Variants in MTUS2 observed in about 807,000 individuals in gnomAD.
The protein encoded by MTUS2 is microtubule associated scaffold protein 2.
Under a neutral mutation model 114.1 loss-of-function variants are expected in MTUS2, and 40 were observed. That is an observed-to-expected ratio of 0.35 (90% CI 0.27 to 0.46). The LOEUF (loss-of-function observed/expected upper bound fraction) is 0.46. Among genes scored for constraint, MTUS2 ranks in the 20% least tolerant of loss-of-function variants. MTUS2 has a pLI of 1.00. For synonymous variants in MTUS2, 688 were observed against 672.0 expected, an observed-to-expected ratio of 1.02 and a Z score of -0.37; for missense variants, 1,679 against 1,705.4, an observed-to-expected ratio of 0.98 and a Z score of 0.27.
chr13:29,245,358 A>G (rs1896883082), intron 5 of MTUS2, among the ~76,000 whole-genome samples: 1 of 152,202 alleles, frequency 6.6e-6, no homozygotes, highest in South Asian at 2.1e-4. Flanking sequence ...CTGCAGGGAA[A>G]AAGGAATCCT....
chr13:28,885,764 G>C (rs979211436), intron 2 of MTUS2, among the ~76,000 whole-genome samples: 1 of 152,224 alleles, frequency 6.6e-6, no homozygotes, highest in African/African-American at 2.4e-5. Context: ...TATTTATTGA[G>C]TTTTTAATTA....
intron 5 of MTUS2, among the ~76,000 whole-genome samples, chr13:29,280,383 T>C (rs1158331942): frequency 6.6e-6 from 1 of 152,216 alleles, no homozygotes; most frequent in Non-Finnish European, 1.5e-5. Flanking sequence ...ATAGGTCCTG[T>C]TTTAAGAAAT....
At chr13:29,146,827 G>A (rs1892453719) in intron 5 of MTUS2, among the ~76,000 whole-genome samples, 2 of 152,114 alleles carry the variant, frequency 1.3e-5, no homozygotes, top group Admixed American at 6.6e-5. Context: ...ATATGTTGCA[G>A]GATTGTTTTA....
chr13:29,072,536 A>G (rs1220471714), intron 4 of MTUS2, among the ~76,000 whole-genome samples: 2 of 152,206 alleles, frequency 1.3e-5, no homozygotes, highest in Non-Finnish European at 2.9e-5. Context: ...AAGACTTCTT[A>G]TGTCATCATA....
chr13:29,489,160 A>C (rs1031639362), intron 11 of MTUS2, among the ~76,000 whole-genome samples: 1 of 152,086 alleles, frequency 6.6e-6, no homozygotes, highest in Non-Finnish European at 1.5e-5. Context: ...TGGGCTGGCT[A>C]CACGGGAGGT....
intron 6 of MTUS2, among the ~76,000 whole-genome samples, chr13:29,308,803 A>G (rs879727783): frequency 2.6e-5 from 4 of 152,218 alleles, no homozygotes; most frequent in Admixed American, 6.5e-5. Flanking sequence ...AAACCTCAAC[A>G]TCACTGATCA....
chr13:29,059,336 C>T (rs556645345), intron 4 of MTUS2, among the ~76,000 whole-genome samples: 10 of 147,850 alleles, frequency 6.8e-5, no homozygotes, highest in East Asian at 4.2e-4. Flanking sequence ...TTTGCTCCTA[C>T]GTCTTGCAGG....
chr13:28,875,892 T>C (rs1386475068), intron 2 of MTUS2, among the ~76,000 whole-genome samples: 1 of 152,256 alleles, frequency 6.6e-6, no homozygotes, highest in African/African-American at 2.4e-5. Flanking sequence ...ATTTTGTCTA[T>C]TAAAACCCGT....
At chr13:29,456,227 C>T (rs1370303184) in intron 9 of MTUS2, among the ~76,000 whole-genome samples, 1 of 151,960 alleles carries the variant, frequency 6.6e-6, no homozygotes, top group Non-Finnish European at 1.5e-5. Context: ...AATCATTCAC[C>T]GATGGGCTTT....
intron 5 of MTUS2, among the ~76,000 whole-genome samples, chr13:29,212,417 C>T (rs1255075741): frequency 2.0e-5 from 3 of 152,172 alleles, no homozygotes; most frequent in Admixed American, 6.5e-5. Context: ...GGACACCACC[C>T]GAGTGTCCTA....
chr13:29,408,117 A>G (rs1874928479), intron 8 of MTUS2, among the ~76,000 whole-genome samples: 1 of 151,986 alleles, frequency 6.6e-6, no homozygotes. Context: ...ATTTTCTTCC[A>G]GTTTGTGACT....
Position 29,208,966 on chromosome 13 carries a change from A to G in MTUS2, c.2645-72738A>G, listed in dbSNP as rs566021624. Among the ~76,000 whole-genome samples, 11 of 152,104 alleles carry G rather than the reference A, an allele frequency of 7.2e-5. No individual in the cohort carries two copies. In the East Asian group the frequency reaches 9.7e-4, roughly 13 times the overall value. On this transcript the variant is annotated intron_variant, in intron 5 of 15. Coordinates refer to ENST00000612955, the MANE Select transcript of MTUS2 (RefSeq NM_001033602.4). ...TTTTTCTAGGGTATAGTTTAAGTCT[A>G]TTGTTACTTTGTTGACTTTCTGTCT...
intron 9 of MTUS2, among the ~76,000 whole-genome samples, chr13:29,464,540 C>A (rs962085226): frequency 6.6e-6 from 1 of 152,158 alleles, no homozygotes; most frequent in African/African-American, 2.4e-5. Context: ...TTTCACACAC[C>A]AGAGCTGGCA....
At chr13:28,944,860 G>A (rs1303580205) in intron 2 of MTUS2, among the ~76,000 whole-genome samples, 1 of 152,122 alleles carries the variant, frequency 6.6e-6, no homozygotes, top group African/African-American at 2.4e-5. Flanking sequence ...GGGCACAAGT[G>A]CAGTTTTGTT....
At chr13:29,145,042 G>A (rs1161469342) in intron 5 of MTUS2, among the ~76,000 whole-genome samples, 3 of 152,270 alleles carry the variant, frequency 2.0e-5, no homozygotes, top group African/African-American at 2.4e-5. Flanking sequence ...AAGGTTGCTG[G>A]ATGACTTTAT....
At chr13:29,410,833 GTTTGT>G (rs1367092426) in intron 8 of MTUS2, among the ~76,000 whole-genome samples, 5 of 151,900 alleles carry the variant, frequency 3.3e-5, no homozygotes, top group Admixed American at 6.6e-5. Context: ...TTGTTTGTTT[GTTTGT>G]TTGTTTGTTT....
At chr13:29,067,044 T>G (rs9508250) in intron 4 of MTUS2, among the ~76,000 whole-genome samples, 29,871 of 152,032 alleles carry the variant, frequency 0.2, 3,216 homozygotes, top group Non-Finnish European at 0.24. Context: ...AACACTGGGG[T>G]ATGTTTTATA....
chr13:29,227,103 C>A (rs1012907844), intron 5 of MTUS2, among the ~76,000 whole-genome samples: 1 of 151,830 alleles, frequency 6.6e-6, no homozygotes, highest in South Asian at 2.1e-4. Context: ...ACTAAAAATA[C>A]AAAAAATTAG....
At chr13:29,196,524 A>G (rs1894709224) in intron 5 of MTUS2, among the ~76,000 whole-genome samples, 1 of 152,082 alleles carries the variant, frequency 6.6e-6, no homozygotes, top group Non-Finnish European at 1.5e-5. Flanking sequence ...CATTAAGTAC[A>G]TTCATAATGT....
Sources: allele counts gnomAD v4.1 joint callset (sites outside exome capture counted in the v4.1 genomes callset), GRCh38; gene constraint gnomAD v4.1.1; transcripts MANE v1.5; gene names NCBI Gene and HGNC (gene_info 2026-07-23, HGNC 2026-07-21).